SCUBE1: variants seen among roughly 807,000 people sequenced by gnomAD.
The protein encoded by SCUBE1 is signal peptide, CUB and EGF-like domain-containing protein 1.
Under a neutral mutation model 124.4 loss-of-function variants are expected in SCUBE1, and 59 were observed. That is an observed-to-expected ratio of 0.47 (90% CI 0.38 to 0.59). The LOEUF (loss-of-function observed/expected upper bound fraction) is 0.59. Among genes scored for constraint, SCUBE1 ranks in the 20% least tolerant of loss-of-function variants. SCUBE1 has a pLI of 0.00. For synonymous variants in SCUBE1, 545 were observed against 550.9 expected, an observed-to-expected ratio of 0.99 and a Z score of 0.15; for missense variants, 1,150 against 1,371.2, an observed-to-expected ratio of 0.84 and a Z score of 2.55.
chr22:43,227,998 G>A (rs1301923127), intron 9 of SCUBE1, among the ~76,000 whole-genome samples: 1 of 152,206 alleles, frequency 6.6e-6, no homozygotes, highest in Admixed American at 6.5e-5. Context: ...CCCACATTCT[G>A]TTAGTTCTTG....
intron 15 of SCUBE1, 144 bp from the exon 16 acceptor site, chr22:43,214,395 C>A (rs1921718402): frequency 4.4e-6 from 3 of 681,378 alleles, no homozygotes; most frequent in Non-Finnish European, 7.1e-6. Flanking sequence ...CCTGACCTAT[C>A]CCAGAAGAGC....
At chr22:43,215,202 C>G (rs540883548) in intron 15 of SCUBE1, among the ~76,000 whole-genome samples, 1 of 152,148 alleles carries the variant, frequency 6.6e-6, no homozygotes, top group Admixed American at 6.5e-5. Flanking sequence ...AGGGGAGGCT[C>G]GCAGCATGTG....
At chr22:43,257,582 G>A (rs1044008837) in intron 6 of SCUBE1, among the ~76,000 whole-genome samples, 3 of 152,174 alleles carry the variant, frequency 2.0e-5, no homozygotes, top group South Asian at 2.1e-4. Flanking sequence ...CTGGGGCAGC[G>A]GCGGGAAGAG....
At chr22:43,324,340 G>A (rs1024238995) in intron 2 of SCUBE1, among the ~76,000 whole-genome samples, 1 of 152,188 alleles carries the variant, frequency 6.6e-6, no homozygotes, top group African/African-American at 2.4e-5. Context: ...GCTGGAGAGT[G>A]CAGGGATATT....
At chr22:43,307,551 T>A (rs1926015887) in intron 3 of SCUBE1, among the ~76,000 whole-genome samples, 1 of 152,160 alleles carries the variant, frequency 6.6e-6, no homozygotes, top group African/African-American at 2.4e-5. Context: ...ACGACCGCAC[T>A]GCCAGGTCAC....
intron 15 of SCUBE1, among the ~76,000 whole-genome samples, chr22:43,217,233 C>A (rs1414627127): frequency 6.6e-6 from 1 of 151,104 alleles, no homozygotes; most frequent in East Asian, 2.0e-4. Flanking sequence ...TTTGAGGCTT[C>A]GGACTTGTGG....
At chr22:43,273,561 C>CTTTTTTTTTTTTTTTTTTTTTTTTTTTT (rs1056252584) in intron 4 of SCUBE1, among the ~76,000 whole-genome samples, 2 of 60,972 alleles carry the variant, frequency 3.3e-5, no homozygotes, top group African/African-American at 1.3e-4. Flanking sequence ...CTAAAACCCT[C>CTTTTTTTTTTTTTTTTTTTTTTTTTTTT]TTTTTTTTTT....
intron 4 of SCUBE1, among the ~76,000 whole-genome samples, chr22:43,266,206 G>A (rs929215948): frequency 2.6e-5 from 4 of 152,160 alleles, no homozygotes; most frequent in Admixed American, 1.3e-4. Context: ...TCAGGCCCGC[G>A]CGAGCCAGGC....
intron 16 of SCUBE1, 28 bp downstream of exon 16, chr22:43,214,062 C>CCCCCCCCCCCA: frequency 3.2e-6 from 2 of 627,580 alleles, no homozygotes; most frequent in African/African-American, 3.7e-5. Flanking sequence ...CCCCCCACCC[C>CCCCCCCCCCCA]CACCTCTCCT....
intron 16 of SCUBE1, 110 bp from the exon 17 acceptor site, chr22:43,212,702 T>G (rs1921622974): frequency 1.7e-4 from 123 of 713,516 alleles, no homozygotes; most frequent in East Asian, 8.9e-4. Context: ...GAAAAGGTAC[T>G]GGGCACCCGA....
intron 21 of SCUBE1, among the ~76,000 whole-genome samples, chr22:43,207,203 C>A (rs776838341): frequency 3.3e-5 from 5 of 152,192 alleles, no homozygotes; most frequent in African/African-American, 4.8e-5. Flanking sequence ...CCCACTGATT[C>A]TGAGACATCC....
intron 4 of SCUBE1, among the ~76,000 whole-genome samples, chr22:43,284,767 G>A (rs550056924): frequency 6.6e-5 from 10 of 152,098 alleles, no homozygotes; most frequent in East Asian, 3.9e-4. Context: ...CGTCATCGTC[G>A]TCGTCGTCGT....
intron 6 of SCUBE1, among the ~76,000 whole-genome samples, chr22:43,241,357 G>A (rs1394439655): frequency 2.6e-5 from 4 of 152,178 alleles, no homozygotes; most frequent in Admixed American, 6.5e-5. Context: ...TCCCAGCCTC[G>A]TGGCTCCTGT....
Position 43,340,481 on chromosome 22 carries a change from TACACACACACACACAC to T in SCUBE1, c.89-1262_89-1247del, listed in dbSNP as rs3047392. Among the ~76,000 whole-genome samples the T allele has an allele frequency of 5.8e-3, 785 of 136,110 alleles. 7 individuals carry two copies. The highest frequency in any genetic ancestry group is 0.017 in the African/African-American group (627 of 36,310). 89.3% of individuals were successfully genotyped at this position (136,110 alleles called of 152,430 possible). On this transcript the variant is annotated intron_variant, in intron 1 of 21. Coordinates refer to ENST00000360835, the MANE Select transcript of SCUBE1 (RefSeq NM_173050.5). ...CCCAAGCCTCTCTCCTTGTCTCTTT[TACACACACACACACAC>T]ACACACACACACACACACACACACA...
At chr22:43,319,825 A>T in intron 3 of SCUBE1, 112 bp downstream of exon 3, 1 of 1,353,768 alleles carries the variant, frequency 7.4e-7, no homozygotes, top group Non-Finnish European at 1.0e-6. Context: ...CTGGCAAACT[A>T]ATACAGGAAG....
At chr22:43,285,841 T>G (rs7289258) in intron 4 of SCUBE1, among the ~76,000 whole-genome samples, 2,581 of 152,300 alleles carry the variant, frequency 0.017, 82 homozygotes, top group African/African-American at 0.06. Flanking sequence ...GCTCAGCCGA[T>G]GAATGAGGGA....
rs1289217845 is a variant in SCUBE1, at chr22:43,339,657, G to A, written c.89-422C>T. 6.1e-3 allele frequency among the ~76,000 whole-genome samples: 162 copies of A among 26,530 alleles called. 2 individuals carry two copies. The highest frequency in any genetic ancestry group is 0.022 in the African/African-American group (101 of 4,524). The allele number at this position is 26,530 out of a possible 152,430, so 17.4% of individuals were successfully genotyped here. A position where few individuals can be genotyped will look rare whatever the true frequency, so the allele number is the denominator to read the frequency against. ...CTATCCCCCCACAAGCATCACTCCA[G>A]CCCTCCCCCATTCTCCTCACTCTAT... On this transcript the variant is annotated intron_variant, in intron 1 of 21. Coordinates refer to ENST00000360835, the MANE Select transcript of SCUBE1 (RefSeq NM_173050.5).
At chr22:43,261,731 G>A (rs898224682) in intron 5 of SCUBE1, among the ~76,000 whole-genome samples, 1 of 152,236 alleles carries the variant, frequency 6.6e-6, no homozygotes, top group African/African-American at 2.4e-5. Flanking sequence ...CTTCTCCCTA[G>A]CATTTTTCTG....
chr22:43,338,386 T>C (rs1312648748), intron 2 of SCUBE1, among the ~76,000 whole-genome samples: 1 of 152,300 alleles, frequency 6.6e-6, no homozygotes, highest in African/African-American at 2.4e-5. Flanking sequence ...GACAGAGACC[T>C]ACAGGGTGGT....
Sources: gnomAD v4.1 joint callset for allele counts (sites outside exome capture counted in the v4.1 genomes callset) on GRCh38, gnomAD v4.1.1 for gene constraint, MANE v1.5 for transcripts, NCBI Gene and HGNC (gene_info 2026-07-23, HGNC 2026-07-21) for gene names.